The following DOCK10 variants were observed in gnomAD, a reference collection of about 807,000 sequenced individuals.
DOCK10 encodes dedicator of cytokinesis 10.
Under a neutral mutation model 280.1 loss-of-function variants are expected in DOCK10, and 145 were observed. The observed-to-expected ratio is 0.52, with a 90% CI of 0.45 to 0.59. The LOEUF (loss-of-function observed/expected upper bound fraction) is 0.59, where lower values mean the gene tolerates loss of function less well. Among genes scored for constraint, DOCK10 ranks in the 20% least tolerant of loss-of-function variants. The pLI, the probability that DOCK10 is intolerant of heterozygous loss-of-function variation, is 0.00. For synonymous variants in DOCK10, 915 were observed against 942.2 expected, an observed-to-expected ratio of 0.97 and a Z score of 0.53; for missense variants, 2,368 against 2,651.7, an observed-to-expected ratio of 0.89 and a Z score of 2.35.
intron 31 of DOCK10, among the ~76,000 whole-genome samples, chr2:224,813,299 G>A (rs779589016): frequency 2.0e-4 from 30 of 152,158 alleles, no homozygotes; most frequent in Non-Finnish European, 4.1e-4. Context: ...GGGTTCAAGC[G>A]ATTATTGTGC....
At chr2:224,813,451 C>G (rs1226210806) in intron 31 of DOCK10, among the ~76,000 whole-genome samples, 2 of 152,158 alleles carry the variant, frequency 1.3e-5, no homozygotes, top group Non-Finnish European at 2.9e-5. Flanking sequence ...CTGCCTCGGC[C>G]TCCCAAAGTG....
intron 19 of DOCK10, among the ~76,000 whole-genome samples, 162 bp from the exon 20 acceptor site, chr2:224,845,804 A>G (rs1041736777): frequency 2.6e-5 from 4 of 152,086 alleles, no homozygotes; most frequent in Admixed American, 6.5e-5. Context: ...GCTCACTGCA[A>G]CCTCTGCCTC....
intron 16 of DOCK10, 111 bp downstream of exon 16, chr2:224,854,852 T>C (rs1182972827): frequency 3.0e-6 from 2 of 660,410 alleles, no homozygotes; most frequent in South Asian, 2.0e-5. Context: ...ACCAACCAAC[T>C]AGCCAACCAA....
At chr2:225,035,583 T>A (rs1338953628) in intron 1 of DOCK10, among the ~76,000 whole-genome samples, 4 of 111,658 alleles carry the variant, frequency 3.6e-5, no homozygotes, top group African/African-American at 1.8e-4. Context: ...TATATATATA[T>A]ATATAACACT....
chr2:224,864,955 T>C lies in DOCK10; in HGVS notation c.1390A>G (p.Asn464Asp). ...MLLGASVALE[N>D]GNIDTITPRQ... ...GGAGTGATGGTGTCGATGTTGCCAT[T>C]TTCCAAAGCCACAGAAGCCCCCAAG... Residue 464 changes from asparagine (N) to aspartate (D), a missense_variant, in exon 12 of 56, where the codon AAT (asparagine) becomes GAT (aspartate). This residue lies in a region of DOCK10 where 1,209 missense variants were observed against 1,250.9 expected (regional missense o/e 0.97). Coordinates refer to ENST00000258390, the MANE Select transcript of DOCK10 (RefSeq NM_014689.3). 1 of 1,613,950 alleles carries C rather than the reference T, an allele frequency of 6.2e-7. No homozygotes were observed. Among genetic ancestry groups the C allele is most frequent in the Non-Finnish European group, 8.5e-7 (1 of 1,179,870 alleles).
At position 224,958,165 on chromosome 2, in the gene DOCK10, G is replaced by A. The variant is rs144427248; in HGVS notation, c.124-26497C>T. ...ATAGAATATTGGTGAAGTGCTTAGC[G>A]CCATGTGTGGAATATAATAAAATGC... On this transcript the variant is annotated intron_variant, in intron 1 of 55. Transcript: ENST00000258390. 1.8e-4 allele frequency among the ~76,000 whole-genome samples: 28 copies of A among 152,314 alleles called. No homozygotes were observed. In the East Asian group the frequency reaches 2.9e-3, roughly 16 times the overall value.
intron 1 of DOCK10, among the ~76,000 whole-genome samples, chr2:225,034,739 G>A (rs1306448678): frequency 6.6e-6 from 1 of 152,132 alleles, no homozygotes; most frequent in African/African-American, 2.4e-5. Flanking sequence ...AAGAGGGTTG[G>A]AAGACAAACA....
At chr2:224,782,881 T>C (rs1194522546) in intron 50 of DOCK10, among the ~76,000 whole-genome samples, 1 of 152,252 alleles carries the variant, frequency 6.6e-6, no homozygotes, top group African/African-American at 2.4e-5. Context: ...TAAAGCACCA[T>C]TATGAATAAG....
chr2:224,896,848 T>C (rs1033884718), intron 3 of DOCK10, among the ~76,000 whole-genome samples: 1 of 152,258 alleles, frequency 6.6e-6, no homozygotes, highest in East Asian at 1.9e-4. Context: ...GCTTGCTCTT[T>C]CCAATCATTT....
intron 1 of DOCK10, among the ~76,000 whole-genome samples, chr2:224,952,704 T>C (rs1703821556): frequency 6.6e-6 from 1 of 150,394 alleles, no homozygotes; most frequent in Non-Finnish European, 1.5e-5. Flanking sequence ...GCCATTCTCC[T>C]GCCTCAGCCT....
chr2:224,778,469 T>C, intron 50 of DOCK10, 185 bp from the exon 51 acceptor site: 1 of 658,418 alleles, frequency 1.5e-6, no homozygotes, highest in Middle Eastern at 3.0e-4. Flanking sequence ...TATCATCTTA[T>C]AATCAGACAT....
intron 37 of DOCK10, 77 bp from the exon 38 acceptor site, chr2:224,804,918 A>G: frequency 7.8e-7 from 1 of 1,276,878 alleles, no homozygotes; most frequent in Non-Finnish European, 1.1e-6. Context: ...AGTATATTGA[A>G]AGAAAAATAT....
intron 1 of DOCK10, chr2:224,946,879 C>T: frequency 1.3e-6 from 2 of 1,546,128 alleles, no homozygotes; most frequent in Non-Finnish European, 8.7e-7. Flanking sequence ...TCTTGGTTTA[C>T]TCTCCTCACA....
chr2:224,891,495 C>T (rs927029062), intron 4 of DOCK10, among the ~76,000 whole-genome samples: 9 of 152,124 alleles, frequency 5.9e-5, no homozygotes, highest in Non-Finnish European at 7.4e-5. Flanking sequence ...TTAGGAATTT[C>T]CCAAATGTCA....
chr2:224,942,310 A>G (rs1703138428), intron 1 of DOCK10, among the ~76,000 whole-genome samples: 1 of 152,248 alleles, frequency 6.6e-6, no homozygotes, highest in Admixed American at 6.5e-5. Context: ...TCTTAGGCAG[A>G]CCAAGTTTCA....
rs1346958294 is a variant in DOCK10 at position 225,042,294 on chromosome 2, C to T, written c.81G>A (p.Ala27=). ...TGCTGACTGCCACCGCGGCGGCGGA[C>T]GCGGCGCTGTGCCGGAGCTCGGCCG... is the stretch of plus-strand genomic sequence containing the variant. ...GQAAELRHSA[A]SAAAVAVSSR... is the part of the protein sequence containing the mutation. Residue 27 remains alanine, a synonymous_variant, in exon 1 of 56, where the codon GCG becomes GCA. Coordinates refer to ENST00000258390, the MANE Select transcript of DOCK10 (RefSeq NM_014689.3). This position sits in a 1 kb window ranked among gnomAD's most constrained non-coding sequence, Gnocchi z 5.1. 2.5e-5 allele frequency: 33 copies of T among 1,346,812 alleles called. No homozygotes were observed. Among genetic ancestry groups the T allele is most frequent in the Non-Finnish European group, 3.2e-5 (33 of 1,046,510 alleles). 83.4% of individuals were successfully genotyped at this position (1,346,812 alleles called of 1,614,324 possible).
intron 1 of DOCK10, among the ~76,000 whole-genome samples, chr2:224,958,322 G>GAGCTCCGGGCACAAAAAGGGCACC (rs988775692): frequency 2.0e-5 from 3 of 152,106 alleles, no homozygotes; most frequent in East Asian, 1.9e-4. Flanking sequence ...TTAGGAGGAG[G>GAGCTCCGGGCACAAAAAGGGCACC]AGCTCCGGGC....
At chr2:224,952,592 AT>A (rs869058280) in intron 1 of DOCK10, among the ~76,000 whole-genome samples, 38,614 of 143,372 alleles carry the variant, frequency 0.27, 5,038 homozygotes, top group Admixed American at 0.29. Context: ...CAATTATGTT[AT>A]TTTTTTTTTT....
Position 225,031,899 on chromosome 2 carries a change from G to A in DOCK10, c.123+10353C>T, listed in dbSNP as rs1437132119. On this transcript the variant is annotated intron_variant, in intron 1 of 55. Transcript: ENST00000258390. ...TGCCCAGCCTTTGCCACCACTGGCT[G>A]TCTTTTGCCAGTCTCCATTCCACTA... is the stretch of plus-strand genomic sequence containing the variant. Among the ~76,000 whole-genome samples, 6 of 152,150 alleles carry A rather than the reference G, an allele frequency of 3.9e-5. No individual in the cohort carries two copies. In the East Asian group the frequency reaches 1.2e-3, roughly 29 times the overall value.
Sources: allele counts gnomAD v4.1 joint callset (sites outside exome capture counted in the v4.1 genomes callset), GRCh38; gene constraint gnomAD v4.1.1; regional missense constraint gnomAD v4.1.1; non-coding constraint Gnocchi (gnomAD v3.1); transcripts MANE v1.5; gene names NCBI Gene and HGNC (gene_info 2026-07-23, HGNC 2026-07-21).